The following AGR3 variants were observed in gnomAD, a reference collection of about 807,000 sequenced individuals.
The protein encoded by AGR3 is anterior gradient protein 3.
A neutral mutation model predicts 24.5 loss-of-function variants in AGR3; 37 were observed. The observed-to-expected ratio is 1.51, with a 90% CI of 1.16 to 1.99. The LOEUF (loss-of-function observed/expected upper bound fraction) is 1.99. AGR3 is among the 30% of genes most tolerant of loss of function. The pLI is 0.00. For missense variants in AGR3, 228 were observed against 191.1 expected (o/e 1.19, Z -1.14); for synonymous variants, 75 against 61.6 (o/e 1.22, Z -1.02).
chr7:16,861,021 ATCT>A (rs1781631572), intron 6 of AGR3, among the ~76,000 whole-genome samples: 1 of 151,358 alleles, frequency 6.6e-6, no homozygotes, highest in Non-Finnish European at 1.5e-5. Context: ...CCAATTTATA[ATCT>A]AAAACAAATG....
chr7:16,861,460 GA>G lies in AGR3; in HGVS notation c.304-14del, dbSNP rs112273298. The G allele has an allele frequency of 1.1e-4, 180 of 1,571,642 alleles. No homozygotes were observed. Among genetic ancestry groups the G allele is most frequent in the African/African-American group, 1.0e-3 (75 of 72,528 alleles). Reference sequence around the variant, plus strand: ...CAGTGGTTTCATGCTAGCAGGAGAAGAAAAAAAAAGAATGTTATTGGATTCA... The same window carrying G: ...CAGTGGTTTCATGCTAGCAGGAGAAGAAAAAAAAGAATGTTATTGGATTCA... On this transcript the variant is annotated splice_polypyrimidine_tract_variant and intron_variant, in intron 5 of 7. Coordinates refer to ENST00000310398, the MANE Select transcript of AGR3 (RefSeq NM_176813.5).
intron 5 of AGR3, 66 bp downstream of exon 5, chr7:16,861,917 AG>A (rs372044603): frequency 0.012 from 15,437 of 1,242,112 alleles, 17 homozygotes; most frequent in South Asian, 0.016. Context: ...AAAAAAAAAA[AG>A]AAAAAAACGG....
intron 4 of AGR3, among the ~76,000 whole-genome samples, chr7:16,862,342 T>G (rs1302148659): frequency 6.6e-6 from 1 of 152,178 alleles, no homozygotes; most frequent in Non-Finnish European, 1.5e-5. Context: ...TTTTCAGTGT[T>G]TCTACACCTT....
At chr7:16,874,481 T>A (rs1354647454) in intron 2 of AGR3, among the ~76,000 whole-genome samples, 1 of 152,002 alleles carries the variant, frequency 6.6e-6, no homozygotes, top group African/African-American at 2.4e-5. Context: ...GTATGAATAG[T>A]TGGGAATGTG....
chr7:16,870,179 A>G (rs992049158), intron 3 of AGR3, among the ~76,000 whole-genome samples: 3 of 151,784 alleles, frequency 2.0e-5, no homozygotes, highest in Non-Finnish European at 2.9e-5. Context: ...CTTTTTTGTC[A>G]TTGTAAATGA....
At chr7:16,870,304 A>G (rs561558088) in intron 3 of AGR3, among the ~76,000 whole-genome samples, 2 of 151,970 alleles carry the variant, frequency 1.3e-5, no homozygotes, top group African/African-American at 4.8e-5. Context: ...GAATATTTAA[A>G]TTTTTTTAGT....
intron 3 of AGR3, among the ~76,000 whole-genome samples, chr7:16,870,781 G>T (rs572149165): frequency 6.6e-6 from 1 of 151,962 alleles, no homozygotes; most frequent in Non-Finnish European, 1.5e-5. Flanking sequence ...ATGTTCTGCT[G>T]GTGCTCCTTA....
chr7:16,880,366 G>A (rs1414919214), intron 1 of AGR3, among the ~76,000 whole-genome samples: 4 of 151,642 alleles, frequency 2.6e-5, no homozygotes, highest in Admixed American at 6.6e-5. Context: ...TCACCATGTT[G>A]GCCAGGCTGA....
rs1234716951 is a variant in AGR3, at chr7:16,859,621, GT to G, written c.461del (p.Asn154ThrfsTer2). ...EPRDLPLLIE[N>X]MKKALRLIQS... The stretch of plus-strand genomic sequence containing the variant: ...GAATAAGTCTTAATGCTTTCTTCAT[GT>G]TTTCTATCACTGAAATAAGAGTTAA... On this transcript the variant is annotated frameshift_variant, in exon 8 of 8. Coordinates refer to ENST00000310398, the MANE Select transcript of AGR3 (RefSeq NM_176813.5). LOFTEE classifies it high-confidence loss of function. 1 of 1,529,030 alleles carries G rather than the reference GT, an allele frequency of 6.5e-7. No individual in the cohort carries two copies. The highest frequency in any genetic ancestry group is 2.1e-4 in the Middle Eastern group (1 of 4,852). The allele number at this position is 1,529,030 out of a possible 1,614,324, so 94.7% of individuals were successfully genotyped here. A position where few individuals can be genotyped will look rare whatever the true frequency, so the allele number is the denominator to read the frequency against.
intron 3 of AGR3, among the ~76,000 whole-genome samples, chr7:16,869,168 A>G (rs1328856778): frequency 2.0e-5 from 3 of 152,044 alleles, no homozygotes; most frequent in Admixed American, 6.6e-5. Flanking sequence ...TTGTGTTGTA[A>G]TCTATTCCTC....
intron 3 of AGR3, among the ~76,000 whole-genome samples, chr7:16,869,904 C>G (rs1443707016): frequency 6.6e-6 from 1 of 151,576 alleles, no homozygotes; most frequent in Admixed American, 6.6e-5. Context: ...CAGAATGTTC[C>G]TAACTATCCT....
intron 3 of AGR3, among the ~76,000 whole-genome samples, chr7:16,873,255 C>T (rs1781919743): frequency 6.6e-6 from 1 of 152,016 alleles, no homozygotes; most frequent in Non-Finnish European, 1.5e-5. Flanking sequence ...TGGACTACTA[C>T]CCAGACATAA....
intron 2 of AGR3, among the ~76,000 whole-genome samples, chr7:16,875,745 T>C (rs73082156): frequency 6.6e-6 from 1 of 151,932 alleles, no homozygotes; most frequent in South Asian, 2.1e-4. Flanking sequence ...TGTTTTTTGT[T>C]TTTTTTTGCC....
chr7:16,865,677 TTTGTAAC>T, intron 3 of AGR3: 1 of 802,722 alleles, frequency 1.2e-6, no homozygotes. Context: ...TCTCCAAGCA[TTTGTAAC>T]TTGTTATACT....
chr7:16,857,447 A>G (rs1031613508), downstream of AGR3, among the ~76,000 whole-genome samples: 6 of 152,166 alleles, frequency 3.9e-5, no homozygotes, highest in Admixed American at 1.3e-4. Context: ...AAAAAACTAA[A>G]TTGTCAGCTG....
At chr7:16,865,402 C>G in intron 3 of AGR3, 1 of 981,028 alleles carries the variant, frequency 1.0e-6, no homozygotes, top group Non-Finnish European at 1.6e-6. Context: ...TCTATAGTCA[C>G]TATTCGATTA....
At chr7:16,858,123 G>T (rs1347451763), downstream of AGR3, among the ~76,000 whole-genome samples, 1 of 151,914 alleles carries the variant, frequency 6.6e-6, no homozygotes, top group Non-Finnish European at 1.5e-5. Context: ...GAGTAGCTGG[G>T]ATTACAGGTG....
At chr7:16,860,762 T>G (rs940650962) in intron 6 of AGR3, among the ~76,000 whole-genome samples, 179 bp from the exon 7 acceptor site, 1 of 152,190 alleles carries the variant, frequency 6.6e-6, no homozygotes, top group African/African-American at 2.4e-5. Flanking sequence ...ATAGTGAACA[T>G]AGTAGCCAAC....
chr7:16,861,899 TAAA>T (rs56817783), intron 5 of AGR3, 82 bp downstream of exon 5: 6,533 of 854,776 alleles, frequency 7.6e-3, no homozygotes, highest in Middle Eastern at 0.012. Context: ...AGACTCTGTC[TAAA>T]AAAAAAAAAA....
Sources: allele counts gnomAD v4.1 joint callset (sites outside exome capture counted in the v4.1 genomes callset), GRCh38; gene constraint gnomAD v4.1.1; transcripts MANE v1.5; gene names NCBI Gene and HGNC (gene_info 2026-07-23, HGNC 2026-07-21).